MSL2: variants seen among roughly 807,000 people sequenced by gnomAD.
The protein encoded by MSL2 is MSL complex subunit 2.
In MSL2, 2 loss-of-function variants were observed where a neutral mutation model predicts 35.8. The ratio of observed to expected loss-of-function variants is 0.06; its 90% CI spans 0.02 to 0.18. The LOEUF (loss-of-function observed/expected upper bound fraction) is 0.18. MSL2 is among the 10% of genes least tolerant of loss of function. MSL2 has a pLI of 1.00. For missense variants in MSL2, 523 were observed against 706.7 expected, an observed-to-expected ratio of 0.74 and a Z score of 2.95; for synonymous variants, 296 against 255.7, an observed-to-expected ratio of 1.16 and a Z score of -1.50.
intron 1 of MSL2, among the ~76,000 whole-genome samples, chr3:136,192,172 A>G (rs375813748): frequency 1.3e-5 from 2 of 152,324 alleles, no homozygotes; most frequent in South Asian, 2.1e-4. Flanking sequence ...GACAAGAAAG[A>G]TAACTTTTTT....
chr3:136,193,448 C>T (rs1940746178), intron 1 of MSL2, among the ~76,000 whole-genome samples: 2 of 151,974 alleles, frequency 1.3e-5, no homozygotes, highest in Admixed American at 6.6e-5. Flanking sequence ...GTGGGCCCTT[C>T]CTCTTCCCCC....
chr3:136,174,259 T>C (rs1402865492), intron 1 of MSL2, among the ~76,000 whole-genome samples: 1 of 152,248 alleles, frequency 6.6e-6, no homozygotes, highest in Non-Finnish European at 1.5e-5. Flanking sequence ...GGTAATCACT[T>C]GTTCTGTGAC....
chr3:136,161,670 A>G (rs186418581), intron 1 of MSL2, among the ~76,000 whole-genome samples: 2 of 152,160 alleles, frequency 1.3e-5, no homozygotes, highest in African/African-American at 2.4e-5. Context: ...AAGCAGAAAA[A>G]CAGTGGTTGC....
chr3:136,192,698 C>T (rs1444279781), intron 1 of MSL2, among the ~76,000 whole-genome samples: 2 of 151,980 alleles, frequency 1.3e-5, no homozygotes, highest in African/African-American at 4.8e-5. Context: ...AAGGTAGTAG[C>T]GGGTCAAATC....
intron 1 of MSL2, among the ~76,000 whole-genome samples, chr3:136,161,293 A>G (rs1559960388): frequency 6.6e-6 from 1 of 152,218 alleles, no homozygotes; most frequent in Admixed American, 6.5e-5. Context: ...TCACACTGAA[A>G]TACAGTTTGG....
In MSL2 at chr3:136,149,083, T is replaced by C. The variant is rs1406880701; in HGVS notation, c.*2064A>G. The C allele has an allele frequency of 6.6e-6, 1 of 152,092 alleles. No homozygotes were observed. Among genetic ancestry groups the C allele is most frequent in the Admixed American group, 6.6e-5 (1 of 15,214 alleles). 9.4% of individuals were successfully genotyped at this position (152,092 alleles called of 1,614,324 possible). A position where few individuals can be genotyped will look rare whatever the true frequency, so the allele number is the denominator to read the frequency against. On this transcript the variant is annotated 3_prime_UTR_variant, in exon 2 of 2. Coordinates refer to ENST00000309993, the MANE Select transcript of MSL2 (RefSeq NM_018133.4). ...AATCAAGGCCCTCACATACTAATGA[T>C]TTCCACTTTGTCTATATTGCCAACC...
rs772642297 is a variant in MSL2, at chr3:136,151,291, G to A, written c.1590C>T (p.Asn530=). The change falls in exon 2 of 2, where the codon AAC becomes AAT. Residue 530 remains asparagine (N), a synonymous_variant. Transcript: ENST00000309993. This position sits in a 1 kb window ranked among gnomAD's most constrained non-coding sequence, Gnocchi z 5.2. ...LEQTRLTLGI[N]VTSIAVRNAS... is the part of the protein sequence containing the mutation. Reference sequence around the variant, plus strand: ...CGTTACGCACAGCAATGCTAGTCACGTTAATGCCCAAAGTGAGCCTGGTCT... The same window carrying A: ...CGTTACGCACAGCAATGCTAGTCACATTAATGCCCAAAGTGAGCCTGGTCT... The A allele has an allele frequency of 5.0e-6, 8 of 1,614,088 alleles. No individual in the cohort carries two copies. The highest frequency in any genetic ancestry group is 2.2e-5 in the East Asian group (1 of 44,904).
chr3:136,181,930 A>C (rs1178061893), intron 1 of MSL2, among the ~76,000 whole-genome samples: 1 of 81,618 alleles, frequency 1.2e-5, no homozygotes, highest in African/African-American at 4.6e-5. Context: ...AAAAATAAAT[A>C]AATAAATAAA....
chr3:136,154,583 G>T (rs1939464008), intron 1 of MSL2, among the ~76,000 whole-genome samples: 1 of 150,720 alleles, frequency 6.6e-6, no homozygotes, highest in Admixed American at 6.6e-5. Flanking sequence ...AAAAAAAAAT[G>T]AGAAAAATCC....
chr3:136,152,335 G>C lies in MSL2; in HGVS notation c.546C>G (p.Leu182=), dbSNP rs141906273. The C allele has an allele frequency of 3.1e-6, 5 of 1,614,162 alleles. No homozygotes were observed. Among genetic ancestry groups the C allele is most frequent in the Admixed American group, 1.7e-5 (1 of 60,028 alleles). Residue 182 remains leucine (L), a synonymous_variant, in exon 2 of 2, where the codon CTC becomes CTG. Transcript: ENST00000309993. ...TAACAGAACTGCCAATAGCAATGCTGAGGGTGCTTTCAGACATTGGAGATA... is the reference window on the plus strand; with the variant it reads ...TAACAGAACTGCCAATAGCAATGCTCAGGGTGCTTTCAGACATTGGAGATA... ...ASLSPMSEST[L]SIAIGSSVIN...
intron 1 of MSL2, among the ~76,000 whole-genome samples, chr3:136,158,880 T>C (rs1291398585): frequency 6.6e-6 from 1 of 152,162 alleles, no homozygotes; most frequent in African/African-American, 2.4e-5. Flanking sequence ...AGAATATACT[T>C]AAAATATTTA....
intron 1 of MSL2, among the ~76,000 whole-genome samples, chr3:136,188,381 C>A (rs896990678): frequency 6.6e-6 from 1 of 151,340 alleles, no homozygotes; most frequent in Non-Finnish European, 1.5e-5. Context: ...TTGCAGTGAG[C>A]CGAGATCGCA....
intron 1 of MSL2, 28 bp downstream of exon 1, chr3:136,194,944 G>A (rs1264887125): frequency 6.2e-7 from 1 of 1,613,108 alleles, no homozygotes; most frequent in South Asian, 1.1e-5. Flanking sequence ...AACAAGCATT[G>A]AAAAGGGAAC....
At chr3:136,184,066 C>T (rs562685360) in intron 1 of MSL2, among the ~76,000 whole-genome samples, 7 of 152,162 alleles carry the variant, frequency 4.6e-5, no homozygotes, top group East Asian at 1.9e-4. Flanking sequence ...GAGGCAAAGG[C>T]GGGCGGATCA....
intron 1 of MSL2, among the ~76,000 whole-genome samples, chr3:136,166,674 A>G (rs141987688): frequency 0.01 from 1,548 of 152,316 alleles, 29 homozygotes; most frequent in African/African-American, 0.033. Flanking sequence ...TTGAAGCAGC[A>G]TAAGTTTGAG....
chr3:136,180,351 G>A (rs1049373291), intron 1 of MSL2, among the ~76,000 whole-genome samples: 2 of 151,914 alleles, frequency 1.3e-5, no homozygotes, highest in Admixed American at 6.6e-5. Context: ...AGCAATACTG[G>A]GTAGCACTGT....
chr3:136,194,939 G>C, intron 1 of MSL2, 33 bp downstream of exon 1: 1 of 1,612,524 alleles, frequency 6.2e-7, no homozygotes, highest in Non-Finnish European at 8.5e-7. Context: ...TTAAAAACAA[G>C]CATTGAAAAG....
intron 1 of MSL2, among the ~76,000 whole-genome samples, chr3:136,160,829 C>G (rs1244633244): frequency 2.0e-5 from 3 of 152,052 alleles, no homozygotes; most frequent in Admixed American, 2.0e-4. Flanking sequence ...TGGCTCACAC[C>G]AGTAATCCCA....
chr3:136,169,919 G>C (rs538253950), intron 1 of MSL2, among the ~76,000 whole-genome samples: 1 of 151,840 alleles, frequency 6.6e-6, no homozygotes, highest in South Asian at 2.1e-4. Context: ...AGCCAGGTGT[G>C]GTGGCAGATG....
Sources: allele counts gnomAD v4.1 joint callset (sites outside exome capture counted in the v4.1 genomes callset), GRCh38; gene constraint gnomAD v4.1.1; non-coding constraint Gnocchi (gnomAD v3.1); transcripts MANE v1.5; gene names NCBI Gene and HGNC (gene_info 2026-07-23, HGNC 2026-07-21).